The following LAMB1 variants were observed in gnomAD, a reference collection of about 807,000 sequenced individuals.
LAMB1 encodes laminin subunit beta-1.
In LAMB1, 121 loss-of-function variants were observed where a neutral mutation model predicts 222.3. The observed-to-expected ratio is 0.54, with a 90% CI of 0.47 to 0.63. LAMB1 has a LOEUF of 0.63. Among genes scored for constraint, LAMB1 ranks in the 30% least tolerant of loss-of-function variants. The probability of loss-of-function intolerance (pLI) is 0.00; values close to 1 mark genes in which losing one functional copy is unlikely to be tolerated. For missense variants in LAMB1, 2,172 were observed against 2,240.8 expected (o/e 0.97, Z 0.62); for synonymous variants, 794 against 807.2 (o/e 0.98, Z 0.28).
chr7:107,987,445 T>C (rs1335008642), intron 5 of LAMB1, among the ~76,000 whole-genome samples: 1 of 152,260 alleles, frequency 6.6e-6, no homozygotes, highest in East Asian at 1.9e-4. Context: ...CTTTCTGTTA[T>C]GGATATTTTA....
At position 107,926,889 on chromosome 7, in the gene LAMB1, C is replaced by G. The variant is rs1051376011; in HGVS notation, c.4888-530G>C. Among the ~76,000 whole-genome samples the G allele has an allele frequency of 6.6e-5, 10 of 152,050 alleles. No homozygotes were observed. The East Asian group carries it at 1.3e-3, about 20-fold the overall frequency. ...GATGATGTATGGTCTGGGAACGTTA[C>G]AGCTGTAAACTCTAAATACACAAAG... On this transcript the variant is annotated intron_variant, in intron 31 of 33. Transcript: ENST00000222399.
At chr7:107,959,624 A>G (rs1199593450) in intron 19 of LAMB1, 67 bp downstream of exon 19, 1 of 1,613,776 alleles carries the variant, frequency 6.2e-7, no homozygotes, top group Non-Finnish European at 8.5e-7. Flanking sequence ...CTCTGCAGCA[A>G]TGGAACCCTG....
chr7:107,950,923 GGTGT>G (rs57060477), intron 24 of LAMB1, among the ~76,000 whole-genome samples: 4,271 of 147,746 alleles, frequency 0.029, 135 homozygotes, highest in African/African-American at 0.074. Context: ...GTGTATTTGT[GGTGT>G]GTGTGTGTGT....
chr7:108,002,704 G>A lies in LAMB1; in HGVS notation c.37+145C>T, dbSNP rs147297312. 2.3e-3 allele frequency: 2,710 copies of A among 1,174,450 alleles called. 43 individuals carry two copies. In the African/African-American group the frequency reaches 0.038, roughly 16 times the overall value. 72.8% of individuals were successfully genotyped at this position (1,174,450 alleles called of 1,614,324 possible). A position where few individuals can be genotyped will look rare whatever the true frequency, so the allele number is the denominator to read the frequency against. On this transcript the variant is annotated intron_variant, in intron 2 of 33. Coordinates refer to ENST00000222399, the MANE Select transcript of LAMB1 (RefSeq NM_002291.3). Reference sequence around the variant, plus strand: ...TCCAGCCACCACCGAAGCAAGGGCGGTGGCGTTTAATCCCAGGGGCGTCAT... The same window carrying A: ...TCCAGCCACCACCGAAGCAAGGGCGATGGCGTTTAATCCCAGGGGCGTCAT...
intron 27 of LAMB1, 76 bp downstream of exon 27, chr7:107,935,339 T>A: frequency 6.6e-7 from 1 of 1,504,868 alleles, no homozygotes; most frequent in Non-Finnish European, 8.8e-7. Context: ...GATGGTTTGT[T>A]TTTCTTTGTT....
intron 7 of LAMB1, among the ~76,000 whole-genome samples, chr7:107,983,961 T>C (rs2034023158): frequency 6.6e-6 from 1 of 152,218 alleles, no homozygotes; most frequent in Non-Finnish European, 1.5e-5. Context: ...TTAATAGCCA[T>C]ATCACTTTAC....
chr7:107,933,267 A>C (rs1173677470), intron 27 of LAMB1, among the ~76,000 whole-genome samples: 4 of 152,232 alleles, frequency 2.6e-5, no homozygotes, highest in Admixed American at 1.3e-4. Flanking sequence ...ACTGAAAAGA[A>C]GACAAAGATT....
intron 24 of LAMB1, among the ~76,000 whole-genome samples, chr7:107,946,177 G>C (rs2033112045): frequency 6.6e-6 from 1 of 152,210 alleles, no homozygotes; most frequent in Non-Finnish European, 1.5e-5. Context: ...TGGGACTCCA[G>C]GATCTGCTGC....
rs774447066 is a variant in LAMB1 at position 107,941,822 on chromosome 7, C to CT, written c.3392-1465dup. 9.1e-4 allele frequency among the ~76,000 whole-genome samples: 29 copies of CT among 31,882 alleles called. 2 individuals are homozygous for CT. The highest frequency in any genetic ancestry group is 3.3e-3 in the South Asian group (2 of 608). 20.9% of individuals were successfully genotyped at this position (31,882 alleles called of 152,430 possible). ...TACAGGCATGCGCCACCACACCCGGCTTTTTTTTTTTTTTTTTTTTTTTTT... is the reference window on the plus strand; with the variant it reads ...TACAGGCATGCGCCACCACACCCGGCTTTTTTTTTTTTTTTTTTTTTTTTTT... On this transcript the variant is annotated intron_variant, in intron 24 of 33. Coordinates refer to ENST00000222399, the MANE Select transcript of LAMB1 (RefSeq NM_002291.3).
In LAMB1 at chr7:107,924,360, A is replaced by C. The variant is rs369918621; in HGVS notation, c.5094T>G (p.Tyr1698Ter). ...KTLDGELDEKYKKVENLIAKK... is the reference protein window; with the variant it reads ...KTLDGELDEK ...TGGCAATTAAATTTTCTACTTTTTTATACTTTTCATCAAGTTCACCATCTA... is the reference window on the plus strand; with the variant it reads ...TGGCAATTAAATTTTCTACTTTTTTCTACTTTTCATCAAGTTCACCATCTA... Residue 1698 changes from tyrosine (Y) to a stop codon, truncating the protein, a stop_gained, in exon 33 of 34, where the codon TAT becomes TAG. Coordinates refer to ENST00000222399, the MANE Select transcript of LAMB1 (RefSeq NM_002291.3). LOFTEE classifies it high-confidence loss of function. 1.2e-6 allele frequency: 2 copies of C among 1,610,546 alleles called. No homozygotes were observed.
At chr7:107,930,398 C>T (rs2032676338) in intron 29 of LAMB1, among the ~76,000 whole-genome samples, 1 of 152,134 alleles carries the variant, frequency 6.6e-6, no homozygotes. Context: ...TAAAATATTA[C>T]CTAAGATATC....
chr7:107,966,743 T>C (rs2033644675), intron 13 of LAMB1, among the ~76,000 whole-genome samples: 1 of 152,172 alleles, frequency 6.6e-6, no homozygotes, highest in Non-Finnish European at 1.5e-5. Flanking sequence ...GACCTTCACA[T>C]GCAACCATTA....
At chr7:108,002,183 C>A (rs951851325) in intron 2 of LAMB1, 1 of 1,399,412 alleles carries the variant, frequency 7.1e-7, no homozygotes, top group South Asian at 1.2e-5. Context: ...TGTGAGTGTG[C>A]GCGTGGAGAT....
chr7:107,955,661 G>A (rs1344827465), intron 20 of LAMB1, 31 bp from the exon 21 acceptor site: 15 of 1,582,234 alleles, frequency 9.5e-6, no homozygotes, highest in Middle Eastern at 1.7e-4. Flanking sequence ...AACAGGCCAT[G>A]ACCCCACAGT....
intron 2 of LAMB1, 136 bp downstream of exon 2, chr7:108,002,713 A>T: frequency 8.0e-7 from 1 of 1,255,206 alleles, no homozygotes; most frequent in Non-Finnish European, 1.1e-6. Context: ...GGTGGCGTTT[A>T]ATCCCAGGGG....
chr7:108,000,796 C>G (rs1024761036), intron 3 of LAMB1, among the ~76,000 whole-genome samples: 2 of 152,214 alleles, frequency 1.3e-5, no homozygotes, highest in African/African-American at 4.8e-5. Context: ...CCCACCTCAG[C>G]CTCCCTAAGT....
Position 107,961,547 on chromosome 7 carries a change from A to G in LAMB1, c.1985+2T>C, listed in dbSNP as rs1270553620. Reference sequence around the variant, plus strand: ...GAGCTGCCAAACCACCGTCACACTGACCTTGAGCCTGGTGATAATGACACC... The same window carrying G: ...GAGCTGCCAAACCACCGTCACACTGGCCTTGAGCCTGGTGATAATGACACC... On this transcript the variant is annotated splice_donor_variant, in intron 16 of 33. Transcript: ENST00000222399. LOFTEE classifies it high-confidence loss of function. 1.2e-6 allele frequency: 2 copies of G among 1,612,336 alleles called. No homozygotes were observed. The highest frequency in any genetic ancestry group is 1.7e-6 in the Non-Finnish European group (2 of 1,178,476).
chr7:107,961,826 C>T, intron 15 of LAMB1, 150 bp from the exon 16 acceptor site: 1 of 909,106 alleles, frequency 1.1e-6, no homozygotes. Flanking sequence ...TGCTACTCCC[C>T]TGGTTCCAGC....
chr7:107,935,255 C>T, intron 27 of LAMB1, 160 bp downstream of exon 27: 2 of 1,086,580 alleles, frequency 1.8e-6, no homozygotes, highest in South Asian at 1.6e-5. Context: ...TACCCCATTC[C>T]AGGATCCAGA....
Sources: allele counts gnomAD v4.1 joint callset (sites outside exome capture counted in the v4.1 genomes callset), GRCh38; gene constraint gnomAD v4.1.1; transcripts MANE v1.5; gene names NCBI Gene and HGNC (gene_info 2026-07-23, HGNC 2026-07-21).